The following CD44 variants were observed in gnomAD, a reference collection of about 807,000 sequenced individuals.
CD44 encodes the protein CD44 antigen.
Under a neutral mutation model 88.8 loss-of-function variants are expected in CD44, and 49 were observed. The observed-to-expected ratio is 0.55, with a 90% CI of 0.44 to 0.70. The LOEUF (loss-of-function observed/expected upper bound fraction) is 0.70, where lower values mean the gene tolerates loss of function less well. Ranked by LOEUF, CD44 falls within the 30% of genes least tolerant of loss-of-function variation. The pLI, the probability that CD44 is intolerant of heterozygous loss-of-function variation, is 0.00. For missense variants in CD44, 883 were observed against 913.8 expected, an observed-to-expected ratio of 0.97 and a Z score of 0.43; for synonymous variants, 325 against 312.3, an observed-to-expected ratio of 1.04 and a Z score of -0.43.
intron 1 of CD44, among the ~76,000 whole-genome samples, chr11:35,162,811 C>A (rs1942793846): frequency 6.6e-6 from 1 of 152,008 alleles, no homozygotes; most frequent in Admixed American, 6.6e-5. Flanking sequence ...GAGTGAATAG[C>A]AGTAGTGTTC....
chr11:35,152,093 A>C (rs1177072571), intron 1 of CD44, among the ~76,000 whole-genome samples: 3 of 152,222 alleles, frequency 2.0e-5, no homozygotes, highest in Non-Finnish European at 4.4e-5. Context: ...TGTTAATTAC[A>C]ACTTTTATCA....
intron 1 of CD44, among the ~76,000 whole-genome samples, chr11:35,144,590 G>A (rs909461848): frequency 4.6e-5 from 7 of 152,128 alleles, no homozygotes; most frequent in African/African-American, 1.2e-4. Context: ...CTGGGTTTGC[G>A]AGGCAAGCCC....
At chr11:35,176,996 G>A in intron 2 of CD44, 1 of 413,336 alleles carries the variant, frequency 2.4e-6, no homozygotes, top group Non-Finnish European at 4.3e-6. Context: ...GAATCCTCTT[G>A]TCTAACCTGC....
chr11:35,202,798 A>G (rs985539602), intron 9 of CD44, among the ~76,000 whole-genome samples: 11 of 152,230 alleles, frequency 7.2e-5, no homozygotes, highest in African/African-American at 2.4e-4. Flanking sequence ...TGTTGTATAC[A>G]TACGGCTTAG....
chr11:35,218,936 C>T (rs1341372689), intron 15 of CD44: 1 of 196,034 alleles, frequency 5.1e-6, no homozygotes, highest in Non-Finnish European at 1.1e-5. Flanking sequence ...ATTCTGTTAT[C>T]CCCATCTTAC....
chr11:35,190,616 C>T (rs1313150241), intron 5 of CD44, among the ~76,000 whole-genome samples: 1 of 152,224 alleles, frequency 6.6e-6, no homozygotes, highest in Non-Finnish European at 1.5e-5. Context: ...AATAATGGAA[C>T]AGTAGGCATA....
chr11:35,192,139 C>T (rs1946329029), intron 5 of CD44, among the ~76,000 whole-genome samples: 1 of 152,108 alleles, frequency 6.6e-6, no homozygotes, highest in African/African-American at 2.4e-5. Context: ...TGCCTTTCTC[C>T]TCCCAGATAA....
intron 1 of CD44, among the ~76,000 whole-genome samples, chr11:35,153,174 T>G (rs1312285417): frequency 2.0e-5 from 3 of 152,212 alleles, no homozygotes; most frequent in Non-Finnish European, 4.4e-5. Context: ...ACTTGTCCGG[T>G]TTCCTTTCAT....
rs759618335 is a variant in CD44, at chr11:35,229,156, C to G, written c.2052C>G (p.Ile684Met). The change falls in exon 18 of 18, where the codon ATC becomes ATG. Residue 684 changes from isoleucine to methionine, a missense_variant. Ile to Met is a conservative substitution (Grantham distance 10). Coordinates refer to ENST00000428726, the MANE Select transcript of CD44 (RefSeq NM_000610.4). Reference sequence around the variant, plus strand: ...GTGGGCAGAAGAAAAAGCTAGTGATCAACAGTGGCAATGGAGCTGTGGAGG... The same window carrying G: ...GTGGGCAGAAGAAAAAGCTAGTGATGAACAGTGGCAATGGAGCTGTGGAGG... ...RRCGQKKKLVINSGNGAVEDR... is the reference protein window; with the variant it reads ...RRCGQKKKLVMNSGNGAVEDR... 1 of 1,613,932 alleles carries G rather than the reference C, an allele frequency of 6.2e-7. No individual in the cohort carries two copies. The highest frequency in any genetic ancestry group is 8.5e-7 in the Non-Finnish European group (1 of 1,179,898).
At chr11:35,175,462 ATGTG>A (rs1164992496) in intron 1 of CD44, among the ~76,000 whole-genome samples, 1 of 152,150 alleles carries the variant, frequency 6.6e-6, no homozygotes, top group Non-Finnish European at 1.5e-5. Context: ...ATTTGTGTGT[ATGTG>A]TGTATGTGTA....
chr11:35,175,532 G>A (rs973685434), intron 1 of CD44, among the ~76,000 whole-genome samples: 1 of 152,214 alleles, frequency 6.6e-6, no homozygotes, highest in African/African-American at 2.4e-5. Flanking sequence ...ATGTGTGCAC[G>A]TGTGAATGTG....
intron 15 of CD44, among the ~76,000 whole-genome samples, chr11:35,215,536 C>T (rs892402301): frequency 3.9e-5 from 6 of 152,144 alleles, no homozygotes; most frequent in Non-Finnish European, 7.4e-5. Flanking sequence ...TTTCTAAACA[C>T]TTTACATGTA....
At chr11:35,216,367 ATATCAAT>A (rs1264683429) in intron 15 of CD44, among the ~76,000 whole-genome samples, 1 of 152,200 alleles carries the variant, frequency 6.6e-6, no homozygotes, top group Non-Finnish European at 1.5e-5. Context: ...GATTTAAGCC[ATATCAAT>A]TATTGTCTCC....
intron 3 of CD44, among the ~76,000 whole-genome samples, chr11:35,185,924 C>T (rs938968271): frequency 8.5e-5 from 13 of 152,106 alleles, no homozygotes; most frequent in South Asian, 4.1e-4. Context: ...GTTATCAGAC[C>T]GCTTGAGACA....
Position 35,139,360 on chromosome 11 carries a change from G to A in CD44, c.57G>A (p.Leu19=). 6.4e-7 allele frequency: 1 copy of A among 1,559,120 alleles called. No individual in the cohort carries two copies. Residue 19 remains leucine, a synonymous_variant, in exon 1 of 18, where the codon CTG becomes CTA. Coordinates refer to ENST00000428726, the MANE Select transcript of CD44 (RefSeq NM_000610.4). ...AWGLCLVPLS[L]AQIDLNITCR... is the part of the protein sequence containing the mutation. ...GACTCTGCCTCGTGCCGCTGAGCCT[G>A]GCGCAGATCGGTGAGTGCCCGCCGC...
chr11:35,226,546 A>T (rs1442011355), intron 17 of CD44, among the ~76,000 whole-genome samples: 1 of 152,208 alleles, frequency 6.6e-6, no homozygotes, highest in East Asian at 1.9e-4. Flanking sequence ...TTGTTATATT[A>T]ACAATTATAG....
intron 17 of CD44, among the ~76,000 whole-genome samples, chr11:35,228,228 T>A (rs1949844909): frequency 1.3e-5 from 2 of 152,238 alleles, no homozygotes; most frequent in African/African-American, 4.8e-5. Context: ...AACTTTCTTT[T>A]GCGTTTGGGT....
At chr11:35,218,170 G>A (rs181431066) in intron 15 of CD44, among the ~76,000 whole-genome samples, 12 of 152,180 alleles carry the variant, frequency 7.9e-5, no homozygotes, top group East Asian at 1.9e-4. Context: ...TCTGTCTTGC[G>A]ATACTTCCTC....
At chr11:35,223,321 A>G (rs550678549) in intron 17 of CD44, 5 of 982,044 alleles carry the variant, frequency 5.1e-6, no homozygotes, top group East Asian at 2.3e-4. Context: ...TGAATTTCCT[A>G]TTGTGTGCAA....
Sources: gnomAD v4.1 joint callset for allele counts (sites outside exome capture counted in the v4.1 genomes callset) on GRCh38, gnomAD v4.1.1 for gene constraint, MANE v1.5 for transcripts, NCBI Gene and HGNC (gene_info 2026-07-23, HGNC 2026-07-21) for gene names.